The following BBOF1 variants were observed in gnomAD, a reference collection of about 807,000 sequenced individuals.
BBOF1 encodes basal body orientation factor 1.
In BBOF1, 62 loss-of-function variants were observed where a neutral mutation model predicts 68.0. The observed-to-expected ratio is 0.91, with a 90% confidence interval of 0.74 to 1.13. The LOEUF (loss-of-function observed/expected upper bound fraction) is 1.13. Ranked by LOEUF, BBOF1 falls within the 50% of genes most tolerant of loss-of-function variation. The probability of loss-of-function intolerance (pLI) is 0.00; values close to 1 mark genes in which losing one functional copy is unlikely to be tolerated. For missense variants in BBOF1, 534 were observed against 600.1 expected, an observed-to-expected ratio of 0.89 and a Z score of 1.15; for synonymous variants, 208 against 198.8, an observed-to-expected ratio of 1.05 and a Z score of -0.39.
intron 9 of BBOF1, among the ~76,000 whole-genome samples, chr14:74,074,566 T>C (rs1051595105): frequency 6.6e-6 from 1 of 152,174 alleles, no homozygotes; most frequent in Non-Finnish European, 1.5e-5. Context: ...ACACTAAATT[T>C]TTAAAGCGGT....
At position 74,065,229 on chromosome 14, in the gene BBOF1, G is replaced by C. The variant is rs1566828545; in HGVS notation, c.*530G>C. ...CATATTTCCGAGCAGTGGCTCCATT[G>C]GTGGTGAAGATGGCAGTTCCATTTC... On this transcript the variant is annotated 3_prime_UTR_variant, in exon 12 of 12. Coordinates refer to ENST00000394009, the MANE Select transcript of BBOF1 (RefSeq NM_025057.3). 1 of 1,614,000 alleles carries C rather than the reference G, an allele frequency of 6.2e-7. No homozygotes were observed. The highest frequency in any genetic ancestry group is 8.5e-7 in the Non-Finnish European group (1 of 1,180,014).
chr14:74,060,834 T>TGAGTA, intron 11 of BBOF1: 2 of 906,678 alleles, frequency 2.2e-6, no homozygotes, highest in Non-Finnish European at 1.8e-6. Context: ...TATTATAAAG[T>TGAGTA]GCTACTCACT....
At chr14:74,060,269 G>A (rs2060310875) in intron 11 of BBOF1, 1 of 220,188 alleles carries the variant, frequency 4.5e-6, no homozygotes, top group South Asian at 7.1e-5. Flanking sequence ...CAAAATGATG[G>A]AATTACAGGC....
intron 10 of BBOF1, among the ~76,000 whole-genome samples, chr14:74,079,969 T>C (rs1248729010): frequency 1.3e-5 from 2 of 152,046 alleles, no homozygotes; most frequent in East Asian, 3.9e-4. Context: ...GCCTTGGAGA[T>C]TGAGGCTACA....
downstream of BBOF1, chr14:74,069,101 C>CTTT (rs900873855): frequency 0.011 from 5,019 of 458,162 alleles, 12 homozygotes; most frequent in East Asian, 0.038. Flanking sequence ...TTTACTTTTT[C>CTTT]TTTTTTTTTT....
chr14:74,037,680 A>G (rs974410927), intron 4 of BBOF1, among the ~76,000 whole-genome samples: 2 of 149,654 alleles, frequency 1.3e-5, no homozygotes, highest in Non-Finnish European at 3.0e-5. Flanking sequence ...TCGGCCAGGC[A>G]TGGTGGCTCA....
intron 9 of BBOF1, among the ~76,000 whole-genome samples, chr14:74,077,073 A>C (rs1242928347): frequency 6.6e-6 from 1 of 152,154 alleles, no homozygotes; most frequent in African/African-American, 2.4e-5. Context: ...AGTCCTTCCA[A>C]ATACCTCATC....
In BBOF1 at chr14:74,064,850, C is replaced by T. The variant is rs1396027255; in HGVS notation, c.*151C>T. 6.2e-7 allele frequency: 1 copy of T among 1,614,044 alleles called. No individual in the cohort carries two copies. Among genetic ancestry groups the T allele is most frequent in the South Asian group, 1.1e-5 (1 of 91,076 alleles). The stretch of plus-strand genomic sequence containing the variant: ...TTTGCCATAGAAATTGGTGTCTCCC[C>T]TGAAGGAGGATCGAGAGCCGGTGAA... On this transcript the variant is annotated 3_prime_UTR_variant, in exon 12 of 12. Transcript: ENST00000394009.
At chr14:74,060,812 T>C in intron 11 of BBOF1, 1 of 1,172,738 alleles carries the variant, frequency 8.5e-7, no homozygotes, top group Non-Finnish European at 1.3e-6. Context: ...TTTAATTAGC[T>C]TTTGAAGGAG....
intron 4 of BBOF1, among the ~76,000 whole-genome samples, chr14:74,036,318 A>T (rs376407968): frequency 9.9e-5 from 15 of 152,242 alleles, no homozygotes; most frequent in East Asian, 7.7e-4. Context: ...CGGCCTCCCA[A>T]AGTGCTGGGA....
intron 2 of BBOF1, among the ~76,000 whole-genome samples, chr14:74,028,003 T>C (rs2059472936): frequency 6.6e-6 from 1 of 152,162 alleles, no homozygotes; most frequent in African/African-American, 2.4e-5. Flanking sequence ...TAGTAGTATA[T>C]TAATGTTAGA....
At chr14:74,033,032 T>C (rs186371030) in intron 3 of BBOF1, among the ~76,000 whole-genome samples, 8 of 152,084 alleles carry the variant, frequency 5.3e-5, no homozygotes, top group African/African-American at 7.2e-5. Flanking sequence ...TCATCCTCCT[T>C]CTTTCTCCTA....
At chr14:74,070,103 A>ACCCCACCT (rs2060528825), downstream of BBOF1, among the ~76,000 whole-genome samples, 2 of 152,032 alleles carry the variant, frequency 1.3e-5, no homozygotes, top group African/African-American at 4.8e-5. Flanking sequence ...CACCTCCCAA[A>ACCCCACCT]GTGCTGGGAT....
intron 3 of BBOF1, among the ~76,000 whole-genome samples, chr14:74,030,744 G>A (rs911632853): frequency 6.6e-6 from 1 of 151,806 alleles, no homozygotes; most frequent in Non-Finnish European, 1.5e-5. Context: ...TGATCCGCCC[G>A]CCTTGGCCTC....
chr14:74,068,974 A>G (rs149132534), downstream of BBOF1: 32 of 1,613,872 alleles, frequency 2.0e-5, no homozygotes, highest in African/African-American at 8.0e-5. Context: ...CGCAAATAAA[A>G]TTTACAGCTT....
chr14:74,069,105 T>TTC (rs1555377099), downstream of BBOF1: 66 of 913,942 alleles, frequency 7.2e-5, no homozygotes, highest in East Asian at 3.5e-4. Context: ...CTTTTTCTTT[T>TTC]TTTTTTTTTT....
intron 4 of BBOF1, 120 bp from the exon 5 acceptor site, chr14:74,040,445 T>G (rs2059805728): frequency 1.6e-6 from 1 of 641,894 alleles, no homozygotes; most frequent in Non-Finnish European, 2.6e-6. Context: ...TTCTGTGTGT[T>G]CAGGATTAAG....
intron 11 of BBOF1, chr14:74,059,360 T>A (rs1400771669): frequency 2.2e-6 from 1 of 456,558 alleles, no homozygotes; most frequent in Non-Finnish European, 4.4e-6. Flanking sequence ...AATCCTTGAT[T>A]TCTGGGCCTA....
rs1306676881 is a variant in BBOF1 at position 74,079,263 on chromosome 14, G to A, written n.1536+911G>A. On this transcript the variant is annotated intron_variant and non_coding_transcript_variant, in intron 10 of 12. Coordinates refer to the BBOF1 transcript ENST00000492026. The stretch of plus-strand genomic sequence containing the variant: ...AGGCTGAGGTGGGAAGATCACTTGC[G>A]TTCAGGAATTTGAGACCTGCCTGCA... 1.3e-5 allele frequency among the ~76,000 whole-genome samples: 2 copies of A among 151,426 alleles called. 1 individual carries two copies. The highest frequency in any genetic ancestry group is 1.3e-4 in the Admixed American group (2 of 15,222).
Sources: allele counts gnomAD v4.1 joint callset (sites outside exome capture counted in the v4.1 genomes callset), GRCh38; gene constraint gnomAD v4.1.1; transcripts MANE v1.5; gene names NCBI Gene and HGNC (gene_info 2026-07-23, HGNC 2026-07-21).